EPHA6: variants seen among roughly 807,000 people sequenced by gnomAD.
EPHA6 encodes ephrin type-A receptor 6.
Under a neutral mutation model 112.0 loss-of-function variants are expected in EPHA6, and 50 were observed. That is an observed-to-expected ratio of 0.45 (90% CI 0.36 to 0.56). The LOEUF (loss-of-function observed/expected upper bound fraction) is 0.56. Ranked by LOEUF, EPHA6 falls within the 20% of genes least tolerant of loss-of-function variation. The probability of loss-of-function intolerance (pLI) is 0.00; values close to 1 mark genes in which losing one functional copy is unlikely to be tolerated. For synonymous variants in EPHA6, 529 were observed against 490.7 expected (o/e 1.08, Z -1.03); for missense variants, 1,280 against 1,417.4 (o/e 0.90, Z 1.56).
chr3:97,446,144 G>A (rs1159178627), intron 6 of EPHA6, among the ~76,000 whole-genome samples: 1 of 152,114 alleles, frequency 6.6e-6, no homozygotes, highest in Non-Finnish European at 1.5e-5. Flanking sequence ...AAGCTAACTT[G>A]GTTTCCCAAG....
At chr3:97,630,501 C>T (rs903272356) in intron 13 of EPHA6, among the ~76,000 whole-genome samples, 4 of 151,884 alleles carry the variant, frequency 2.6e-5, no homozygotes, top group Non-Finnish European at 4.4e-5. Flanking sequence ...GATTTAGAAA[C>T]ATATAAAAAC....
At chr3:97,725,614 C>T (rs1240090530) in intron 15 of EPHA6, among the ~76,000 whole-genome samples, 1 of 152,084 alleles carries the variant, frequency 6.6e-6, no homozygotes, top group Non-Finnish European at 1.5e-5. Context: ...ATTGAAAAGA[C>T]CAGTCGGGCT....
intron 7 of EPHA6, among the ~76,000 whole-genome samples, chr3:97,474,248 G>T (rs577299467): frequency 6.6e-6 from 1 of 151,814 alleles, no homozygotes. Context: ...TCTGCAGTTT[G>T]CTTCTCAGTT....
At chr3:97,237,565 C>A (rs1301841397) in intron 4 of EPHA6, among the ~76,000 whole-genome samples, 1 of 151,992 alleles carries the variant, frequency 6.6e-6, no homozygotes, top group Admixed American at 6.6e-5. Context: ...AATTGTCCCA[C>A]TCAATATCAT....
At chr3:97,058,517 G>A (rs1218246455) in intron 3 of EPHA6, among the ~76,000 whole-genome samples, 1 of 152,118 alleles carries the variant, frequency 6.6e-6, no homozygotes, top group Non-Finnish European at 1.5e-5. Flanking sequence ...GGCCAGGCTG[G>A]TCTTCAACTC....
intron 14 of EPHA6, among the ~76,000 whole-genome samples, chr3:97,663,896 C>T (rs560566810): frequency 5.9e-5 from 9 of 152,166 alleles, no homozygotes; most frequent in South Asian, 4.1e-4. Context: ...TCTAGATCCC[C>T]GAGGAATTGC....
intron 3 of EPHA6, among the ~76,000 whole-genome samples, chr3:97,202,053 G>C (rs2077589896): frequency 6.6e-6 from 1 of 152,072 alleles, no homozygotes; most frequent in South Asian, 2.1e-4. Context: ...AAGAAGCCTT[G>C]AGGAGATAAC....
chr3:97,535,711 G>T (rs1405387244), intron 11 of EPHA6, among the ~76,000 whole-genome samples: 1 of 152,110 alleles, frequency 6.6e-6, no homozygotes, highest in Non-Finnish European at 1.5e-5. Context: ...TAAAGATGCA[G>T]TATAGGCTTA....
chr3:97,511,154 A>G (rs549577803), intron 10 of EPHA6, among the ~76,000 whole-genome samples: 2 of 151,866 alleles, frequency 1.3e-5, no homozygotes, highest in East Asian at 3.9e-4. Flanking sequence ...ACTTGGCTCC[A>G]TGGCTTCAGC....
At chr3:97,416,626 C>T (rs2088145935) in intron 6 of EPHA6, among the ~76,000 whole-genome samples, 1 of 152,036 alleles carries the variant, frequency 6.6e-6, no homozygotes. Flanking sequence ...AAGCAAAGTA[C>T]ACCATTTCTC....
intron 6 of EPHA6, among the ~76,000 whole-genome samples, chr3:97,416,009 G>T (rs1329682226): frequency 6.6e-6 from 1 of 151,864 alleles, no homozygotes; most frequent in Non-Finnish European, 1.5e-5. Flanking sequence ...TCGCCTAATT[G>T]TCAGAATTTT....
intron 3 of EPHA6, among the ~76,000 whole-genome samples, chr3:97,202,516 T>G (rs2077602225): frequency 6.6e-6 from 1 of 152,084 alleles, no homozygotes; most frequent in African/African-American, 2.4e-5. Flanking sequence ...GTATTTTTAT[T>G]GGAGACAGGG....
chr3:97,044,327 T>C (rs531650021), intron 3 of EPHA6, among the ~76,000 whole-genome samples: 1 of 152,334 alleles, frequency 6.6e-6, no homozygotes, highest in Non-Finnish European at 1.5e-5. Context: ...TGAAATTAAC[T>C]TTTGACTAAT....
chr3:97,198,777 A>G (rs570593241), intron 3 of EPHA6, among the ~76,000 whole-genome samples: 1 of 152,266 alleles, frequency 6.6e-6, no homozygotes, highest in South Asian at 2.1e-4. Flanking sequence ...GCAAAAATTC[A>G]ACATTGAACA....
At chr3:97,729,979 C>T (rs567679240) in intron 15 of EPHA6, among the ~76,000 whole-genome samples, 1 of 151,992 alleles carries the variant, frequency 6.6e-6, no homozygotes, top group East Asian at 1.9e-4. Flanking sequence ...TACATTTCAG[C>T]CCTTGTTAAA....
At chr3:97,288,549 G>A (rs1413233940) in intron 5 of EPHA6, among the ~76,000 whole-genome samples, 2 of 152,132 alleles carry the variant, frequency 1.3e-5, no homozygotes, top group African/African-American at 2.4e-5. Context: ...GAACATGTGA[G>A]TGCATGTATC....
intron 10 of EPHA6, among the ~76,000 whole-genome samples, chr3:97,508,984 CTTTTTTTTTTTTTTTTTTTTTT>C (rs141763479): frequency 1.3e-3 from 30 of 22,312 alleles, no homozygotes; most frequent in African/African-American, 2.7e-3. Flanking sequence ...GCATCCCTGG[CTTTTTTTTTTTTTTTTTTTTTT>C]TTTTTTTTTT....
intron 5 of EPHA6, among the ~76,000 whole-genome samples, chr3:97,316,368 A>G (rs1052111647): frequency 2.0e-5 from 3 of 151,916 alleles, no homozygotes; most frequent in African/African-American, 7.3e-5. Context: ...AGATGTGCTC[A>G]TATGCATTAC....
intron 5 of EPHA6, among the ~76,000 whole-genome samples, chr3:97,296,905 C>T (rs2080893336): frequency 6.6e-6 from 1 of 152,170 alleles, no homozygotes; most frequent in Non-Finnish European, 1.5e-5. Flanking sequence ...TGGGTGAACA[C>T]AGGGGAATAT....
Sources: gnomAD v4.1 joint callset for allele counts (sites outside exome capture counted in the v4.1 genomes callset) on GRCh38, gnomAD v4.1.1 for gene constraint, MANE v1.5 for transcripts, NCBI Gene and HGNC (gene_info 2026-07-23, HGNC 2026-07-21) for gene names.